Variants in SLC24A2 observed in about 807,000 individuals in gnomAD.
The protein encoded by SLC24A2 is solute carrier family 24 member 2.
Under a neutral mutation model 62.0 loss-of-function variants are expected in SLC24A2, and 36 were observed. The ratio of observed to expected loss-of-function variants is 0.58; its 90% CI spans 0.44 to 0.77. SLC24A2 has a LOEUF of 0.77. Among genes scored for constraint, SLC24A2 ranks in the 30% least tolerant of loss-of-function variants. The pLI is 0.00. For missense variants in SLC24A2, 846 were observed against 817.9 expected (o/e 1.03, Z -0.42); for synonymous variants, 358 against 294.0 (o/e 1.22, Z -2.23).
chr9:20,117,350 C>T, the SLC24A2 span, among the ~76,000 whole-genome samples: 1 of 152,148 alleles, frequency 6.6e-6, no homozygotes, highest in Non-Finnish European at 1.5e-5. Context: ...TATCAGGCTA[C>T]ATACTAGCCT....
chr9:19,836,293 G>T, the SLC24A2 span, among the ~76,000 whole-genome samples: 1 of 152,112 alleles, frequency 6.6e-6, no homozygotes, highest in Non-Finnish European at 1.5e-5. Flanking sequence ...CCAGGAGCTG[G>T]TTTTTTGAAT....
chr9:20,244,254 G>C, the SLC24A2 span, among the ~76,000 whole-genome samples: 18 of 152,170 alleles, frequency 1.2e-4, no homozygotes, highest in Admixed American at 1.2e-3. Flanking sequence ...CTATGGGCCA[G>C]ACACTAAAAT....
the SLC24A2 span, among the ~76,000 whole-genome samples, chr9:20,251,728 T>C: frequency 3.9e-4 from 60 of 152,340 alleles, no homozygotes; most frequent in South Asian, 2.7e-3. Context: ...AACCAGAGAT[T>C]TAGAAGTAAA....
At chr9:19,956,873 C>T in the SLC24A2 span, among the ~76,000 whole-genome samples, 3 of 152,138 alleles carry the variant, frequency 2.0e-5, no homozygotes, top group South Asian at 4.1e-4. Flanking sequence ...AGACCTCTCT[C>T]GTACCTTTTG....
chr9:20,264,023 G>C, the SLC24A2 span, among the ~76,000 whole-genome samples: 1 of 152,116 alleles, frequency 6.6e-6, no homozygotes, highest in South Asian at 2.1e-4. Flanking sequence ...ATTAGCTCTT[G>C]ACAAGAGAGA....
At chr9:20,109,557 A>T in the SLC24A2 span, among the ~76,000 whole-genome samples, 1 of 152,152 alleles carries the variant, frequency 6.6e-6, no homozygotes, top group African/African-American at 2.4e-5. Flanking sequence ...TTCCTAATGA[A>T]CATCCCTTGG....
At chr9:20,225,806 T>C in the SLC24A2 span, among the ~76,000 whole-genome samples, 90 of 151,808 alleles carry the variant, frequency 5.9e-4, no homozygotes, top group African/African-American at 2.0e-3. Context: ...TGGGTCTTTA[T>C]GGTTAGCTTG....
the SLC24A2 span, among the ~76,000 whole-genome samples, chr9:20,157,153 C>T: frequency 6.6e-6 from 1 of 151,532 alleles, no homozygotes; most frequent in East Asian, 1.9e-4. Context: ...ACAGAAGAAA[C>T]ACAAAACACA....
the SLC24A2 span, among the ~76,000 whole-genome samples, chr9:20,158,451 C>T: frequency 3.3e-4 from 50 of 151,718 alleles, no homozygotes; most frequent in South Asian, 1.0e-3. Context: ...GCCCCTTCTA[C>T]GCCTTATGCC....
chr9:20,241,258 A>C, the SLC24A2 span, among the ~76,000 whole-genome samples: 1 of 152,248 alleles, frequency 6.6e-6, no homozygotes, highest in African/African-American at 2.4e-5. Context: ...GAAAGTTTTA[A>C]TCTGAATGAG....
chr9:20,140,058 T>A, the SLC24A2 span, among the ~76,000 whole-genome samples: 3 of 152,188 alleles, frequency 2.0e-5, no homozygotes, highest in Non-Finnish European at 4.4e-5. Context: ...TCCCAGCACA[T>A]TGAAAAGAGA....
At chr9:19,651,363 T>C (rs956926534) in intron 2 of SLC24A2, among the ~76,000 whole-genome samples, 2 of 152,194 alleles carry the variant, frequency 1.3e-5, no homozygotes, top group Non-Finnish European at 2.9e-5. Flanking sequence ...TGTACAAATA[T>C]ATGAAACAGA....
At chr9:19,773,837 A>T (rs754466269) in intron 2 of SLC24A2, among the ~76,000 whole-genome samples, 74 of 152,234 alleles carry the variant, frequency 4.9e-4, no homozygotes, top group Non-Finnish European at 9.7e-4. Context: ...GAACACATTT[A>T]TAGGGTGGCA....
At chr9:19,663,866 C>A (rs1038968843) in intron 2 of SLC24A2, among the ~76,000 whole-genome samples, 5 of 152,212 alleles carry the variant, frequency 3.3e-5, no homozygotes, top group African/African-American at 9.7e-5. Context: ...CTGATGGCAG[C>A]AGGGCACCAG....
the SLC24A2 span, among the ~76,000 whole-genome samples, chr9:19,890,604 GCT>G: frequency 6.6e-6 from 1 of 152,216 alleles, no homozygotes; most frequent in Non-Finnish European, 1.5e-5. Context: ...ATGTCTGAAG[GCT>G]CTTTCCTTGG....
At chr9:19,852,361 T>C in the SLC24A2 span, among the ~76,000 whole-genome samples, 1 of 152,236 alleles carries the variant, frequency 6.6e-6, no homozygotes, top group Non-Finnish European at 1.5e-5. Flanking sequence ...TCATTGCAAT[T>C]GCTTTGGACA....
At chr9:20,299,806 T>A in the SLC24A2 span, among the ~76,000 whole-genome samples, 8 of 152,344 alleles carry the variant, frequency 5.3e-5, no homozygotes, top group East Asian at 1.5e-3. Context: ...CAGATATCCA[T>A]AAGTGGCAGA....
the SLC24A2 span, among the ~76,000 whole-genome samples, chr9:19,909,073 G>A: frequency 6.6e-6 from 1 of 152,232 alleles, no homozygotes; most frequent in South Asian, 2.1e-4. Flanking sequence ...CAAAGACTTG[G>A]AACTAACCCA....
chr9:19,869,429 T>G, the SLC24A2 span, among the ~76,000 whole-genome samples: 1 of 152,222 alleles, frequency 6.6e-6, no homozygotes, highest in Non-Finnish European at 1.5e-5. Flanking sequence ...TCAAGATTTT[T>G]TCTTTGTCCT....
Sources: allele counts gnomAD v4.1 joint callset (sites outside exome capture counted in the v4.1 genomes callset), GRCh38; gene constraint gnomAD v4.1.1; transcripts MANE v1.5; gene names NCBI Gene and HGNC (gene_info 2026-07-23, HGNC 2026-07-21).